N4BP1: variants seen among roughly 807,000 people sequenced by gnomAD.
N4BP1 encodes the protein NEDD4-binding protein 1.
N4BP1 carries 21 observed loss-of-function variants against 70.9 expected under a neutral mutation model. That is an observed-to-expected ratio of 0.30 (90% CI 0.21 to 0.43). The LOEUF is 0.43. N4BP1 is among the 20% of genes least tolerant of loss of function. The pLI is 1.00. For missense variants in N4BP1, 936 were observed against 1,069.4 expected (o/e 0.88, Z 1.74); for synonymous variants, 387 against 394.6 (o/e 0.98, Z 0.23).
At chr16:48,595,476 AAAAG>A (rs1163919916) in intron 1 of N4BP1, among the ~76,000 whole-genome samples, 3 of 150,992 alleles carry the variant, frequency 2.0e-5, no homozygotes, top group African/African-American at 4.9e-5. Context: ...AAAAAAAAAA[AAAAG>A]AAAGAAAACT....
At chr16:48,550,643 C>G (rs980694636) in intron 4 of N4BP1, among the ~76,000 whole-genome samples, 1 of 152,096 alleles carries the variant, frequency 6.6e-6, no homozygotes, top group Non-Finnish European at 1.5e-5. Flanking sequence ...GTGGCTCACA[C>G]CTGTAATCTC....
At chr16:48,551,563 T>G (rs1204042903) in intron 3 of N4BP1, 81 bp from the exon 4 acceptor site, 1 of 990,364 alleles carries the variant, frequency 1.0e-6, no homozygotes, top group African/African-American at 1.6e-5. Flanking sequence ...TACACTCAAA[T>G]GTTTCACTTG....
intron 1 of N4BP1, chr16:48,577,498 C>A: frequency 6.3e-6 from 1 of 157,722 alleles, no homozygotes; most frequent in South Asian, 1.8e-4. Context: ...AGGCATAATT[C>A]ACTTTATTTT....
intron 1 of N4BP1, chr16:48,600,568 T>C: frequency 1.7e-6 from 1 of 572,592 alleles, no homozygotes; most frequent in South Asian, 1.4e-5. Context: ...TTATCTGAGT[T>C]CCTCTTGCAG....
intron 1 of N4BP1, among the ~76,000 whole-genome samples, chr16:48,591,961 C>T (rs1009454256): frequency 6.7e-5 from 10 of 149,786 alleles, no homozygotes; most frequent in African/African-American, 2.5e-4. Flanking sequence ...CCTTGGTGTG[C>T]AAAAATTAGG....
At chr16:48,548,580 C>T in intron 4 of N4BP1, among the ~76,000 whole-genome samples, 1 of 152,144 alleles carries the variant, frequency 6.6e-6, no homozygotes, top group East Asian at 1.9e-4. Context: ...AGTGTGGTGG[C>T]TCACGCCTGT....
Position 48,561,628 on chromosome 16 carries a change from T to C in N4BP1, c.1015A>G (p.Lys339Glu). ...TATTCCATTTCCTCAGTAGTTTCTT[T>C]TATATCTGGACTTAAATTTTCAGAA... ...ADSENLSPDIKETTEEMEYNI... is the reference protein window; with the variant it reads ...ADSENLSPDIEETTEEMEYNI... Residue 339 changes from lysine to glutamate, a missense_variant, in exon 2 of 7, where the codon AAA becomes GAA. This residue lies in a region of N4BP1 where 515 missense variants were observed against 491.7 expected (regional missense o/e 1.05). Transcript: ENST00000262384. The C allele has an allele frequency of 6.2e-7, 1 of 1,613,336 alleles. No individual in the cohort carries two copies. The highest frequency in any genetic ancestry group is 8.5e-7 in the Non-Finnish European group (1 of 1,179,766).
intron 1 of N4BP1, among the ~76,000 whole-genome samples, chr16:48,585,000 C>T (rs1221633381): frequency 6.6e-6 from 1 of 152,020 alleles, no homozygotes; most frequent in Non-Finnish European, 1.5e-5. Flanking sequence ...GGCATGATTT[C>T]GGCTCACTGC....
At chr16:48,550,328 C>A (rs777887709) in intron 4 of N4BP1, among the ~76,000 whole-genome samples, 6 of 151,912 alleles carry the variant, frequency 3.9e-5, no homozygotes, top group African/African-American at 1.2e-4. Flanking sequence ...GCCTTACCAA[C>A]ATAGTGAAAC....
At chr16:48,573,108 CA>C (rs67326386) in intron 1 of N4BP1, among the ~76,000 whole-genome samples, 50,176 of 110,932 alleles carry the variant, frequency 0.45, 8,883 homozygotes, top group African/African-American at 0.55. Context: ...GACCTTGTCT[CA>C]AAAAAAAAAA....
intron 1 of N4BP1, chr16:48,600,457 TC>T: frequency 1.6e-6 from 1 of 626,410 alleles, no homozygotes; most frequent in Non-Finnish European, 3.0e-6. Flanking sequence ...GTTGAAGAGA[TC>T]AAACAGAAAC....
intron 3 of N4BP1, among the ~76,000 whole-genome samples, chr16:48,552,550 T>C (rs1963685292): frequency 6.6e-6 from 1 of 150,516 alleles, no homozygotes; most frequent in Non-Finnish European, 1.5e-5. Context: ...ATACAAAAAT[T>C]AGCCGGGCGT....
In N4BP1 at chr16:48,544,428, G is replaced by A. The variant is rs190727187; in HGVS notation, c.2334-1167C>T. 1.6e-4 allele frequency among the ~76,000 whole-genome samples: 24 copies of A among 152,310 alleles called. 1 individual carries two copies. Among genetic ancestry groups the A allele is most frequent in the Admixed American group, 1.4e-3 (21 of 15,308 alleles). The stretch of plus-strand genomic sequence containing the variant: ...TGCCTAAAAATGCTGAGAGAGCTGT[G>A]TGTCTTCCTCTCAGCTTAGACCCCC... On this transcript the variant is annotated intron_variant, in intron 6 of 6. Coordinates refer to ENST00000262384, the MANE Select transcript of N4BP1 (RefSeq NM_153029.4).
At chr16:48,568,305 G>A (rs1335646220) in intron 1 of N4BP1, among the ~76,000 whole-genome samples, 1 of 152,106 alleles carries the variant, frequency 6.6e-6, no homozygotes, top group Admixed American at 6.5e-5. Context: ...CTTTATTCCT[G>A]GGTTCCTTTC....
At chr16:48,592,892 T>C (rs1439113113) in intron 1 of N4BP1, among the ~76,000 whole-genome samples, 1 of 152,056 alleles carries the variant, frequency 6.6e-6, no homozygotes, top group Non-Finnish European at 1.5e-5. Context: ...GAAAATATTT[T>C]ATACAAAAGA....
chr16:48,550,930 AAAAG>A (rs994561484), intron 4 of N4BP1, among the ~76,000 whole-genome samples: 5 of 152,084 alleles, frequency 3.3e-5, no homozygotes, highest in African/African-American at 9.7e-5. Context: ...AGAAAAAAAA[AAAAG>A]AAAGAAAAGA....
At chr16:48,545,782 T>C (rs1963582268) in intron 6 of N4BP1, among the ~76,000 whole-genome samples, 1 of 152,006 alleles carries the variant, frequency 6.6e-6, no homozygotes, top group Admixed American at 6.5e-5. Context: ...TCCCAACACT[T>C]TGGGAGGCTG....
chr16:48,550,892 T>G (rs1237731432), intron 4 of N4BP1, among the ~76,000 whole-genome samples: 1 of 151,334 alleles, frequency 6.6e-6, no homozygotes, highest in Non-Finnish European at 1.5e-5. Context: ...CACTCCAGTC[T>G]GCGTTGACAG....
intron 1 of N4BP1, chr16:48,603,789 C>G (rs1252317462): frequency 6.6e-6 from 1 of 152,230 alleles, no homozygotes; most frequent in African/African-American, 2.4e-5. Flanking sequence ...TCCCTGTGTA[C>G]ATGACCCCCT....
Sources: allele counts gnomAD v4.1 joint callset (sites outside exome capture counted in the v4.1 genomes callset), GRCh38; gene constraint gnomAD v4.1.1; regional missense constraint gnomAD v4.1.1; transcripts MANE v1.5; gene names NCBI Gene and HGNC (gene_info 2026-07-23, HGNC 2026-07-21).